FGGY: variants seen among roughly 807,000 people sequenced by gnomAD.
FGGY encodes FGGY carbohydrate kinase domain-containing protein.
Under a neutral mutation model 71.3 loss-of-function variants are expected in FGGY, and 72 were observed. That is an observed-to-expected ratio of 1.01 (90% confidence interval 0.84 to 1.23). The LOEUF (loss-of-function observed/expected upper bound fraction) is 1.23. Ranked by LOEUF, FGGY falls within the 50% of genes most tolerant of loss-of-function variation. FGGY has a pLI of 0.00. For synonymous variants in FGGY, 251 were observed against 250.3 expected (o/e 1.00, Z -0.02); for missense variants, 668 against 682.3 (o/e 0.98, Z 0.23).
At chr1:59,628,858 G>A (rs1439089254) in intron 10 of FGGY, among the ~76,000 whole-genome samples, 1 of 152,052 alleles carries the variant, frequency 6.6e-6, no homozygotes, top group Non-Finnish European at 1.5e-5. Flanking sequence ...TCTGTTTCTG[G>A]GCTATTTACT....
chr1:59,419,712 T>C (rs951661584), intron 5 of FGGY, among the ~76,000 whole-genome samples: 4 of 152,188 alleles, frequency 2.6e-5, no homozygotes, highest in Admixed American at 6.5e-5. Context: ...TACTAATTGA[T>C]GATTTTAGGT....
At chr1:59,673,170 A>T (rs1299666303) in intron 13 of FGGY, among the ~76,000 whole-genome samples, 1 of 152,260 alleles carries the variant, frequency 6.6e-6, no homozygotes, top group Non-Finnish European at 1.5e-5. Context: ...ATTAAACAAG[A>T]TAAGTAAGTA....
chr1:59,756,766 A>G (rs767106250), intron 14 of FGGY, among the ~76,000 whole-genome samples: 4 of 152,226 alleles, frequency 2.6e-5, no homozygotes, highest in African/African-American at 4.8e-5. Context: ...TAAATATACA[A>G]AGTGGCAGAA....
chr1:59,427,784 G>T (rs190355523), intron 5 of FGGY, among the ~76,000 whole-genome samples: 11 of 152,334 alleles, frequency 7.2e-5, no homozygotes, highest in Middle Eastern at 3.4e-3. Context: ...TGGAGAGGCA[G>T]AGTGGGAGAT....
chr1:59,296,594 G>A (rs972194112), upstream of FGGY: 1 of 152,408 alleles, frequency 6.6e-6, no homozygotes, highest in Non-Finnish European at 1.5e-5. Flanking sequence ...CCGCGGGGTG[G>A]GCAGGCGACG....
At chr1:59,369,633 C>T (rs537394797) in intron 4 of FGGY, among the ~76,000 whole-genome samples, 1 of 152,178 alleles carries the variant, frequency 6.6e-6, no homozygotes, top group African/African-American at 2.4e-5. Flanking sequence ...TGACCCCTGA[C>T]CCCCGAGCAG....
intron 4 of FGGY, among the ~76,000 whole-genome samples, chr1:59,357,430 A>G (rs1490127131): frequency 6.6e-6 from 1 of 152,210 alleles, no homozygotes; most frequent in Non-Finnish European, 1.5e-5. Context: ...CTTGTGGGAT[A>G]AATATTACTA....
chr1:59,380,868 A>T (rs1004821840), intron 5 of FGGY, among the ~76,000 whole-genome samples: 1 of 151,520 alleles, frequency 6.6e-6, no homozygotes, highest in African/African-American at 2.5e-5. Flanking sequence ...GTCCTTGCCC[A>T]TGCCTATGTC....
chr1:59,413,700 A>C (rs835445), intron 5 of FGGY, among the ~76,000 whole-genome samples: 94,881 of 152,056 alleles, frequency 0.62, 30,819 homozygotes, highest in African/African-American at 0.82. Context: ...CAGACACATG[A>C]CTGTAATCCC....
chr1:59,617,564 C>A (rs76554668), intron 9 of FGGY, among the ~76,000 whole-genome samples: 1 of 151,988 alleles, frequency 6.6e-6, no homozygotes, highest in Non-Finnish European at 1.5e-5. Flanking sequence ...TCATGCTTGC[C>A]GATATTCTCT....
At chr1:59,382,857 C>T (rs1483198373) in intron 5 of FGGY, among the ~76,000 whole-genome samples, 1 of 152,118 alleles carries the variant, frequency 6.6e-6, no homozygotes, top group African/African-American at 2.4e-5. Flanking sequence ...TGACTGCCTC[C>T]CTGATTCTTT....
chr1:59,538,804 A>G (rs1456875508), intron 7 of FGGY, among the ~76,000 whole-genome samples: 2 of 134,852 alleles, frequency 1.5e-5, no homozygotes, highest in Admixed American at 8.6e-5. Flanking sequence ...ATGAGAACAC[A>G]TGGACACAGG....
At chr1:59,522,952 C>T (rs957582524) in intron 7 of FGGY, among the ~76,000 whole-genome samples, 2 of 152,230 alleles carry the variant, frequency 1.3e-5, no homozygotes, top group African/African-American at 4.8e-5. Flanking sequence ...ATCTCATCTA[C>T]TACAGAACTG....
intron 9 of FGGY, among the ~76,000 whole-genome samples, chr1:59,619,077 G>A (rs2096784476): frequency 6.6e-6 from 1 of 152,046 alleles, no homozygotes; most frequent in South Asian, 2.1e-4. Context: ...TTGCATTGTA[G>A]GTATAGAAGT....
chr1:59,475,234 C>T (rs933794126), intron 6 of FGGY, among the ~76,000 whole-genome samples: 2 of 152,148 alleles, frequency 1.3e-5, no homozygotes, highest in Non-Finnish European at 2.9e-5. Flanking sequence ...AAATTATAAT[C>T]ACATTTCATA....
chr1:59,361,830 C>T (rs1049783516), intron 4 of FGGY, among the ~76,000 whole-genome samples: 9 of 152,180 alleles, frequency 5.9e-5, no homozygotes, highest in Non-Finnish European at 1.0e-4. Context: ...TTTCAGTTGT[C>T]TCAAGACTAG....
intron 8 of FGGY, among the ~76,000 whole-genome samples, chr1:59,561,237 A>C (rs547851754): frequency 6.6e-6 from 1 of 152,286 alleles, no homozygotes; most frequent in Admixed American, 6.5e-5. Flanking sequence ...CCTAACAATG[A>C]AAGTGCTGAG....
chr1:59,419,725 A>C (rs2065082304), intron 5 of FGGY, among the ~76,000 whole-genome samples: 1 of 152,202 alleles, frequency 6.6e-6, no homozygotes, highest in Non-Finnish European at 1.5e-5. Context: ...TTTTAGGTCC[A>C]GAGTTAAGCA....
At chr1:59,545,572 C>T (rs1007104747) in intron 7 of FGGY, among the ~76,000 whole-genome samples, 2 of 152,162 alleles carry the variant, frequency 1.3e-5, no homozygotes, top group Non-Finnish European at 2.9e-5. Flanking sequence ...TTTGTCTTCA[C>T]TGTGGATTTT....
Sources: gnomAD v4.1 joint callset for allele counts (sites outside exome capture counted in the v4.1 genomes callset) on GRCh38, gnomAD v4.1.1 for gene constraint, MANE v1.5 for transcripts, NCBI Gene and HGNC (gene_info 2026-07-23, HGNC 2026-07-21) for gene names.